Variants in MARCHF10 observed in about 807,000 individuals in gnomAD.
The protein encoded by MARCHF10 is membrane associated ring-CH-type finger 10.
In MARCHF10, 64 loss-of-function variants were observed where a neutral mutation model predicts 76.2. The ratio of observed to expected loss-of-function variants is 0.84; its 90% CI spans 0.69 to 1.03. The LOEUF is 1.03. MARCHF10 is among the 50% of genes least tolerant of loss of function. The pLI is 0.00. For missense variants in MARCHF10, 875 were observed against 958.0 expected (o/e 0.91, Z 1.14); for synonymous variants, 340 against 357.5 (o/e 0.95, Z 0.55).
chr17:62,714,305 G>A (rs957192255), intron 8 of MARCHF10: 12 of 790,872 alleles, frequency 1.5e-5, no homozygotes, highest in Non-Finnish European at 1.8e-5. Flanking sequence ...TTTAGGCAGA[G>A]TTTTAACTGT....
intron 9 of MARCHF10, among the ~76,000 whole-genome samples, chr17:62,706,811 G>A (rs1024774280): frequency 6.6e-6 from 1 of 152,192 alleles, no homozygotes; most frequent in African/African-American, 2.4e-5. Context: ...TGAGCTGGGA[G>A]GAAGCCAGGA....
At chr17:62,768,735 C>G (rs1051417668) in intron 3 of MARCHF10, among the ~76,000 whole-genome samples, 1 of 152,184 alleles carries the variant, frequency 6.6e-6, no homozygotes, top group South Asian at 2.1e-4. Flanking sequence ...GACCACACTT[C>G]AAGATACTTT....
intron 3 of MARCHF10, among the ~76,000 whole-genome samples, chr17:62,787,929 T>C (rs1457902411): frequency 6.6e-6 from 1 of 152,194 alleles, no homozygotes; most frequent in Admixed American, 6.5e-5. Flanking sequence ...TATTATCATA[T>C]TGTTATTATC....
chr17:62,759,126 CTT>C (rs1393135867), intron 4 of MARCHF10, among the ~76,000 whole-genome samples: 2 of 152,312 alleles, frequency 1.3e-5, no homozygotes, highest in East Asian at 3.9e-4. Context: ...AACAGGAAAA[CTT>C]TATTACTTTC....
At chr17:62,764,065 G>A (rs1166065634) in intron 3 of MARCHF10, among the ~76,000 whole-genome samples, 1 of 152,134 alleles carries the variant, frequency 6.6e-6, no homozygotes, top group Non-Finnish European at 1.5e-5. Flanking sequence ...GTCCTGGAAG[G>A]TGAAAACGCA....
chr17:62,718,339 G>A (rs964399172), intron 8 of MARCHF10, among the ~76,000 whole-genome samples: 16 of 152,262 alleles, frequency 1.1e-4, no homozygotes, highest in Middle Eastern at 3.4e-3. Flanking sequence ...AAACATCTTA[G>A]TACAAATGGA....
At chr17:62,799,883 G>T (rs191446231) in intron 2 of MARCHF10, among the ~76,000 whole-genome samples, 64 of 152,256 alleles carry the variant, frequency 4.2e-4, no homozygotes, top group African/African-American at 1.5e-3. Context: ...GCTGGTTCCT[G>T]CCTCAGGGCC....
In MARCHF10 at chr17:62,788,702, A is replaced by G; in HGVS notation, c.91-103T>C. The G allele has an allele frequency of 2.1e-6, 3 of 1,437,274 alleles. 1 individual carries two copies. The highest frequency in any genetic ancestry group is 4.6e-5 in the East Asian group (2 of 43,438). 89.0% of individuals were successfully genotyped at this position (1,437,274 alleles called of 1,614,324 possible). A position where few individuals can be genotyped will look rare whatever the true frequency, so the allele number is the denominator to read the frequency against. On this transcript the variant is annotated intron_variant, in intron 2 of 10. Coordinates refer to ENST00000311269, the MANE Select transcript of MARCHF10 (RefSeq NM_152598.4). ...GAGGAGCATGAAATAAATGATATGC[A>G]TCTCCAGGTGTTCATCAAATACCTC...
At chr17:62,781,844 A>G (rs1443750922) in intron 3 of MARCHF10, among the ~76,000 whole-genome samples, 9 of 152,226 alleles carry the variant, frequency 5.9e-5, no homozygotes, top group South Asian at 2.1e-4. Flanking sequence ...AAGTGTCAAA[A>G]TTTGGTAGTG....
At chr17:62,779,416 G>A (rs1568198617) in intron 3 of MARCHF10, among the ~76,000 whole-genome samples, 1 of 152,172 alleles carries the variant, frequency 6.6e-6, no homozygotes, top group Non-Finnish European at 1.5e-5. Context: ...GGGTGTCAGT[G>A]GGTTGACATT....
intron 4 of MARCHF10, among the ~76,000 whole-genome samples, chr17:62,745,003 C>CAAA (rs371677963): frequency 0.26 from 25,344 of 97,314 alleles, 3,948 homozygotes; most frequent in Non-Finnish European, 0.33. Context: ...GACTCCATCT[C>CAAA]AAAAAAAAAA....
chr17:62,702,818 T>A (rs2089326559), intron 10 of MARCHF10, among the ~76,000 whole-genome samples: 1 of 152,136 alleles, frequency 6.6e-6, no homozygotes, highest in Non-Finnish European at 1.5e-5. Flanking sequence ...CCCAAGCCCC[T>A]GAGCTGCCCC....
chr17:62,753,471 G>T (rs758101312), intron 4 of MARCHF10, among the ~76,000 whole-genome samples: 5 of 152,162 alleles, frequency 3.3e-5, no homozygotes, highest in Non-Finnish European at 7.4e-5. Flanking sequence ...TTCAATGCAG[G>T]TTCTGAGCCA....
intron 3 of MARCHF10, among the ~76,000 whole-genome samples, chr17:62,777,308 T>C (rs1295543819): frequency 6.6e-6 from 1 of 152,252 alleles, no homozygotes; most frequent in Non-Finnish European, 1.5e-5. Context: ...CAATGTGCCA[T>C]GTCAGTTTAC....
chr17:62,777,716 AAAAAAAAAAAAG>A (rs1431406114), intron 3 of MARCHF10, among the ~76,000 whole-genome samples: 6 of 149,224 alleles, frequency 4.0e-5, no homozygotes, highest in South Asian at 2.2e-4. Context: ...TCCATCTCAA[AAAAAAAAAAAAG>A]AAAAAAAAAA....
At chr17:62,722,826 AC>A (rs1052952215) in intron 7 of MARCHF10, among the ~76,000 whole-genome samples, 1 of 152,152 alleles carries the variant, frequency 6.6e-6, no homozygotes, top group Non-Finnish European at 1.5e-5. Flanking sequence ...TGAAATTCCC[AC>A]GACTTTTAAA....
rs543392402 is a variant in MARCHF10, at chr17:62,766,461, T to C, written c.211-6455A>G. On this transcript the variant is annotated intron_variant, in intron 3 of 10. Coordinates refer to ENST00000311269, the MANE Select transcript of MARCHF10 (RefSeq NM_152598.4). ...GTTGCAGTGAGTTGAGATAGCACCATTGCACTCCAGTCTGGGCAACAAGAG... is the reference window on the plus strand; with the variant it reads ...GTTGCAGTGAGTTGAGATAGCACCACTGCACTCCAGTCTGGGCAACAAGAG... Among the ~76,000 whole-genome samples the C allele has an allele frequency of 5.2e-4, 79 of 151,744 alleles. 2 individuals carry two copies. The highest frequency in any genetic ancestry group is 1.8e-3 in the African/African-American group (75 of 41,298).
At chr17:62,710,014 C>T (rs1261215434) in intron 9 of MARCHF10, among the ~76,000 whole-genome samples, 2 of 152,304 alleles carry the variant, frequency 1.3e-5, no homozygotes, top group East Asian at 3.9e-4. Flanking sequence ...GCTCTGGTTC[C>T]CAGCTTGCTC....
intron 3 of MARCHF10, among the ~76,000 whole-genome samples, chr17:62,767,453 T>C (rs963342182): frequency 3.5e-5 from 5 of 144,526 alleles, no homozygotes; most frequent in African/African-American, 7.5e-5. Context: ...CTGTATTCTT[T>C]TTTTTTTTTT....
Sources: allele counts gnomAD v4.1 joint callset (sites outside exome capture counted in the v4.1 genomes callset), GRCh38; gene constraint gnomAD v4.1.1; transcripts MANE v1.5; gene names NCBI Gene and HGNC (gene_info 2026-07-23, HGNC 2026-07-21).